PTDSS1: variants seen among roughly 807,000 people sequenced by gnomAD.
PTDSS1 encodes the protein PSS-1.
PTDSS1 carries 45 observed loss-of-function variants against 70.5 expected under a neutral mutation model. That is an observed-to-expected ratio of 0.64 (90% confidence interval 0.50 to 0.82). The LOEUF is 0.82. Among genes scored for constraint, PTDSS1 ranks in the 40% least tolerant of loss-of-function variants. The pLI, the probability that PTDSS1 is intolerant of heterozygous loss-of-function variation, is 0.00. For synonymous variants in PTDSS1, 188 were observed against 203.8 expected (o/e 0.92, Z 0.66); for missense variants, 417 against 586.1 (o/e 0.71, Z 2.98).
rs1230023527 is a variant in PTDSS1 at position 96,336,167 on chromosome 8, C to CATCCT, written c.*2605_*2609dup. On this transcript the variant is annotated 3_prime_UTR_variant, in exon 13 of 13. Coordinates refer to ENST00000517309, the MANE Select transcript of PTDSS1 (RefSeq NM_014754.3). ...TGTTAAGCATTTTGATGATACAAGA[C>CATCCT]ATCCTATCAATGCCAGTCTTATTTT... 1 of 151,988 alleles carries CATCCT rather than the reference C, an allele frequency of 6.6e-6. No individual in the cohort carries two copies. Among genetic ancestry groups the CATCCT allele is most frequent in the East Asian group, 1.9e-4 (1 of 5,192 alleles). 9.4% of individuals were successfully genotyped at this position (151,988 alleles called of 1,614,324 possible).
At chr8:96,304,321 A>G in intron 7 of PTDSS1, 140 bp downstream of exon 7, 2 of 1,032,860 alleles carry the variant, frequency 1.9e-6, no homozygotes, top group Non-Finnish European at 2.7e-6. Flanking sequence ...GCTGGCATGT[A>G]GAATAATTAA....
At chr8:96,275,146 TA>T (rs919475695) in intron 2 of PTDSS1, among the ~76,000 whole-genome samples, 80 of 149,406 alleles carry the variant, frequency 5.4e-4, no homozygotes, top group African/African-American at 1.4e-3. Flanking sequence ...AATTTTTAAT[TA>T]AAAAAAAAAA....
At chr8:96,310,584 G>A (rs1374370267) in intron 9 of PTDSS1, among the ~76,000 whole-genome samples, 2 of 151,644 alleles carry the variant, frequency 1.3e-5, no homozygotes, top group Admixed American at 1.3e-4. Context: ...ATTCCTTCTG[G>A]ATGTATCTTG....
At chr8:96,328,988 C>T (rs139821431) in intron 10 of PTDSS1, among the ~76,000 whole-genome samples, 8 of 152,264 alleles carry the variant, frequency 5.3e-5, no homozygotes, top group East Asian at 3.9e-4. Context: ...ATCTGAGTTC[C>T]GGCTCCAATG....
At chr8:96,285,545 G>T (rs1810810773) in intron 3 of PTDSS1, among the ~76,000 whole-genome samples, 1 of 152,210 alleles carries the variant, frequency 6.6e-6, no homozygotes, top group Non-Finnish European at 1.5e-5. Flanking sequence ...GCTGTTTGAA[G>T]TTATAAGTTA....
intron 9 of PTDSS1, among the ~76,000 whole-genome samples, chr8:96,319,429 A>G (rs1811343373): frequency 1.3e-5 from 2 of 152,154 alleles, no homozygotes; most frequent in Non-Finnish European, 2.9e-5. Context: ...GTCATAAATG[A>G]AGATACAGAA....
chr8:96,302,163 G>C (rs1285179443), intron 6 of PTDSS1, among the ~76,000 whole-genome samples: 1 of 151,756 alleles, frequency 6.6e-6, no homozygotes, highest in Non-Finnish European at 1.5e-5. Flanking sequence ...TAATCCCCAG[G>C]TGGGATTACA....
intron 2 of PTDSS1, among the ~76,000 whole-genome samples, chr8:96,277,937 C>T (rs3864657): frequency 1.3e-3 from 191 of 152,326 alleles, no homozygotes; most frequent in Middle Eastern, 3.4e-3. Context: ...TATTTTCTTA[C>T]GTAACAAGAC....
In PTDSS1 at chr8:96,304,771, A is replaced by G. The variant is rs1213112218; in HGVS notation, c.894+590A>G. On this transcript the variant is annotated intron_variant, in intron 7 of 12. Transcript: ENST00000517309. ...TCAAGCATCTGTGTTTCTGAGAGAC[A>G]GCAATTTTTTCTGATGCTCCTGGCC... 3.9e-5 allele frequency among the ~76,000 whole-genome samples: 6 copies of G among 152,352 alleles called. No individual in the cohort carries two copies. In the East Asian group the frequency reaches 1.2e-3, roughly 29 times the overall value.
intron 5 of PTDSS1, among the ~76,000 whole-genome samples, chr8:96,298,667 G>C (rs1225481384): frequency 6.6e-6 from 1 of 152,144 alleles, no homozygotes; most frequent in Non-Finnish European, 1.5e-5. Context: ...GAGGCCAAAA[G>C]AACCTTCAGC....
At chr8:96,323,015 A>C (rs1472506553) in intron 10 of PTDSS1, among the ~76,000 whole-genome samples, 2 of 152,224 alleles carry the variant, frequency 1.3e-5, no homozygotes, top group Non-Finnish European at 2.9e-5. Context: ...TGAAAGGGAG[A>C]AATGGGCAAG....
chr8:96,308,485 A>G (rs1438428313), intron 8 of PTDSS1, among the ~76,000 whole-genome samples: 1 of 152,184 alleles, frequency 6.6e-6, no homozygotes, highest in Non-Finnish European at 1.5e-5. Context: ...GACCCCAAAA[A>G]GATGATGAGT....
intron 4 of PTDSS1, among the ~76,000 whole-genome samples, chr8:96,290,321 G>A (rs960348246): frequency 6.6e-6 from 1 of 152,170 alleles, no homozygotes; most frequent in African/African-American, 2.4e-5. Flanking sequence ...ACATTGCAAA[G>A]TAAACTGACT....
chr8:96,265,977 A>T (rs2129984118), intron 1 of PTDSS1, among the ~76,000 whole-genome samples: 1 of 152,396 alleles, frequency 6.6e-6, no homozygotes, highest in South Asian at 2.1e-4. Flanking sequence ...CATATGTCTT[A>T]GAAGTTTGTT....
intron 7 of PTDSS1, 74 bp downstream of exon 7, chr8:96,304,255 A>T: frequency 6.8e-7 from 1 of 1,481,478 alleles, no homozygotes; most frequent in Non-Finnish European, 9.1e-7. Context: ...ATTTAGAGTT[A>T]ACATTAGTTT....
chr8:96,289,455 AC>A (rs1249511886), intron 4 of PTDSS1, among the ~76,000 whole-genome samples: 1 of 152,228 alleles, frequency 6.6e-6, no homozygotes, highest in Non-Finnish European at 1.5e-5. Context: ...AGATATTAGA[AC>A]AAAAGATGCA....
chr8:96,317,057 A>G (rs573850870), intron 9 of PTDSS1, among the ~76,000 whole-genome samples: 38 of 148,506 alleles, frequency 2.6e-4, no homozygotes, highest in African/African-American at 5.8e-4. Flanking sequence ...GTATATATAT[A>G]TGTGTGTGTG....
intron 1 of PTDSS1, among the ~76,000 whole-genome samples, chr8:96,264,102 T>C (rs1210821033): frequency 6.6e-6 from 1 of 152,242 alleles, no homozygotes; most frequent in African/African-American, 2.4e-5. Flanking sequence ...ACCAGACATA[T>C]TTCTAGCTTT....
chr8:96,272,799 C>T (rs1248292486), intron 1 of PTDSS1, among the ~76,000 whole-genome samples: 3 of 152,152 alleles, frequency 2.0e-5, no homozygotes, highest in Non-Finnish European at 2.9e-5. Flanking sequence ...TCATCATTCC[C>T]GATGTCAATT....
Sources: gnomAD v4.1 joint callset for allele counts (sites outside exome capture counted in the v4.1 genomes callset) on GRCh38, gnomAD v4.1.1 for gene constraint, MANE v1.5 for transcripts, NCBI Gene and HGNC (gene_info 2026-07-23, HGNC 2026-07-21) for gene names.